KDM4B: variants seen among roughly 807,000 people sequenced by gnomAD.
KDM4B encodes lysine demethylase 4B.
Under a neutral mutation model 125.2 loss-of-function variants are expected in KDM4B, and 32 were observed. The observed-to-expected ratio is 0.26, with a 90% CI of 0.19 to 0.34. The LOEUF (loss-of-function observed/expected upper bound fraction) is 0.34, where lower values mean the gene tolerates loss of function less well. KDM4B is among the 10% of genes least tolerant of loss of function. The pLI is 1.00. For missense variants in KDM4B, 1,190 were observed against 1,577.7 expected (o/e 0.75, Z 4.16); for synonymous variants, 721 against 677.9 (o/e 1.06, Z -0.99).
chr19:5,032,117 C>T (rs554006596), intron 2 of KDM4B, among the ~76,000 whole-genome samples: 1 of 152,308 alleles, frequency 6.6e-6, no homozygotes, highest in South Asian at 2.1e-4. Flanking sequence ...CCTGCAACAC[C>T]TGGGACAGGA....
chr19:5,041,320 CGGGACTCTGCCTTGGCA>C lies in KDM4B; in HGVS notation c.432+71_432+87del. 4 of 1,205,794 alleles carry C rather than the reference CGGGACTCTGCCTTGGCA, an allele frequency of 3.3e-6. No individual in the cohort carries two copies. In the South Asian group the frequency reaches 3.7e-5, roughly 11 times the overall value. The allele number at this position is 1,205,794 out of a possible 1,614,324, so 74.7% of individuals were successfully genotyped here. On this transcript the variant is annotated intron_variant, in intron 5 of 22. Coordinates refer to ENST00000159111, the MANE Select transcript of KDM4B (RefSeq NM_015015.3). Reference sequence around the variant, plus strand: ...TGGGTGGTGGTGGGAGGGCCCTGAACGGGACTCTGCCTTGGCAGATGAAGCTTCCAGGCAGGCAAGGT... The same window carrying C: ...TGGGTGGTGGTGGGAGGGCCCTGAACGATGAAGCTTCCAGGCAGGCAAGGT...
intron 2 of KDM4B, among the ~76,000 whole-genome samples, chr19:5,016,962 G>A (rs2035911100): frequency 6.6e-6 from 1 of 152,262 alleles, no homozygotes; most frequent in Non-Finnish European, 1.5e-5. Context: ...GGGTGACCCA[G>A]TGGAGGGTGT....
rs750661778 is a variant in KDM4B at position 5,082,323 on chromosome 19, G to A, written c.781-44G>A. 27 of 1,610,626 alleles carry A rather than the reference G, an allele frequency of 1.7e-5. No homozygotes were observed. The African/African-American group carries it at 1.7e-4, about 10-fold the overall frequency. ...GTGCCCACGTCCCATCCCCTGGTGC[G>A]CCTCTGGTGGCCCTGCCCTCACCTG... On this transcript the variant is annotated intron_variant, in intron 8 of 22. Transcript: ENST00000159111. This position sits in a 1 kb window ranked among gnomAD's most constrained non-coding sequence, Gnocchi z 5.4.
intron 1 of KDM4B, among the ~76,000 whole-genome samples, chr19:5,000,910 T>C (rs1032514507): frequency 6.6e-6 from 1 of 152,134 alleles, no homozygotes; most frequent in Non-Finnish European, 1.5e-5. Context: ...GGCGGAGAAG[T>C]GTCATCAACC....
intron 1 of KDM4B, among the ~76,000 whole-genome samples, chr19:5,007,119 C>T (rs572957091): frequency 5.9e-5 from 9 of 152,324 alleles, no homozygotes; most frequent in Non-Finnish European, 8.8e-5. Context: ...CACCATCCCT[C>T]GTGAGCACCC....
chr19:5,103,255 C>T (rs1031624750), intron 9 of KDM4B, among the ~76,000 whole-genome samples: 3 of 152,248 alleles, frequency 2.0e-5, no homozygotes, highest in Admixed American at 6.5e-5. Context: ...TCGCTTGGCA[C>T]GACGTCCTGA....
At chr19:5,091,806 C>T (rs2038711935) in intron 9 of KDM4B, among the ~76,000 whole-genome samples, 1 of 152,184 alleles carries the variant, frequency 6.6e-6, no homozygotes, top group South Asian at 2.1e-4. Flanking sequence ...TCCAGCCACT[C>T]CTCTGACCCG....
intron 1 of KDM4B, among the ~76,000 whole-genome samples, chr19:4,996,606 C>T (rs1197784245): frequency 1.3e-5 from 2 of 151,666 alleles, no homozygotes; most frequent in Admixed American, 6.6e-5. Context: ...TATTTTGAAG[C>T]GTGTTGCTCA....
chr19:5,039,903 C>T lies in KDM4B; in HGVS notation c.209C>T (p.Ala70Val), dbSNP rs746110307. 3.1e-6 allele frequency: 5 copies of T among 1,612,892 alleles called. No individual in the cohort carries two copies. The highest frequency in any genetic ancestry group is 4.2e-6 in the Non-Finnish European group (5 of 1,179,928). ...GACATCGACGACGTGGTGATCCCGG[C>T]GCCCATCCAGCAGGTGGTGACGGGC... is the stretch of plus-strand genomic sequence containing the variant. ...YDDIDDVVIP[A>V]PIQQVVTGQS... The change falls in exon 4 of 23, where the codon GCG becomes GTG. Residue 70 changes from alanine to valine, a missense_variant. By Grantham distance (64) the Ala-to-Val change is moderately conservative. Around this residue, in one of 7 missense-constraint regions of KDM4B, gnomAD observed 139 missense variants for 248.3 expected, o/e 0.56. Coordinates refer to ENST00000159111, the MANE Select transcript of KDM4B (RefSeq NM_015015.3).
chr19:5,138,664 A>G (rs139513984), intron 18 of KDM4B, among the ~76,000 whole-genome samples: 25 of 152,236 alleles, frequency 1.6e-4, no homozygotes, highest in African/African-American at 6.0e-4. Flanking sequence ...TCAAAAAAAA[A>G]CAAACAATTG....
chr19:5,047,683 C>A lies in KDM4B; in HGVS notation c.626+14C>A, dbSNP rs766216027. ...GCCTAAGTCCTGGTGAGTGTCTGCA[C>A]TGGCCCTGCCGCCGGCCGGACCGAG... On this transcript the variant is annotated intron_variant, in intron 6 of 22. Coordinates refer to ENST00000159111, the MANE Select transcript of KDM4B (RefSeq NM_015015.3). The A allele has an allele frequency of 6.2e-7, 1 of 1,610,668 alleles. No individual in the cohort carries two copies. The highest frequency in any genetic ancestry group is 8.5e-7 in the Non-Finnish European group (1 of 1,177,664).
intron 2 of KDM4B, among the ~76,000 whole-genome samples, chr19:5,025,693 C>G (rs986454779): frequency 2.0e-5 from 3 of 152,218 alleles, no homozygotes; most frequent in Non-Finnish European, 4.4e-5. Flanking sequence ...GGCCTTAGCT[C>G]TTCCCTGGCT....
intron 6 of KDM4B, among the ~76,000 whole-genome samples, chr19:5,062,126 C>T (rs60612156): frequency 0.095 from 14,416 of 152,276 alleles, 888 homozygotes; most frequent in Admixed American, 0.15. Context: ...TCTGTCCGGT[C>T]CCCTGTAATC....
chr19:5,070,800 G>A (rs1043852117), intron 6 of KDM4B: 28 of 507,568 alleles, frequency 5.5e-5, no homozygotes, highest in Non-Finnish European at 8.5e-5. Flanking sequence ...CTCACTCCCC[G>A]CTCCTCCACC....
At chr19:5,070,832 G>T in intron 6 of KDM4B, 178 bp from the exon 7 acceptor site, 1 of 524,048 alleles carries the variant, frequency 1.9e-6, no homozygotes, top group East Asian at 3.3e-5. Context: ...GCTTCCTTAC[G>T]GATTCCGTCC....
intron 21 of KDM4B, among the ~76,000 whole-genome samples, chr19:5,146,751 ACCCC>A (rs775578381): frequency 3.1e-5 from 1 of 31,990 alleles, no homozygotes; most frequent in Non-Finnish European, 6.0e-5. Context: ...ACAAAGTGAG[ACCCC>A]CCCCCCCCCC....
intron 6 of KDM4B, among the ~76,000 whole-genome samples, chr19:5,067,634 G>A (rs1314731530): frequency 1.3e-5 from 2 of 152,034 alleles, no homozygotes; most frequent in African/African-American, 2.4e-5. Flanking sequence ...CTGGCATGGG[G>A]GAGGGAGGGG....
intron 1 of KDM4B, among the ~76,000 whole-genome samples, chr19:5,000,399 GTCCA>G (rs563479668): frequency 3.3e-4 from 49 of 149,646 alleles, no homozygotes; most frequent in African/African-American, 1.2e-3. Flanking sequence ...CCATCTGTCT[GTCCA>G]TCCATCCATC....
At chr19:5,135,669 TC>T in intron 15 of KDM4B, 108 bp downstream of exon 15, 1 of 952,012 alleles carries the variant, frequency 1.1e-6, no homozygotes, top group Non-Finnish European at 1.5e-6. Context: ...CCGGCCCCTC[TC>T]CCCAGGCTGC....
Sources: gnomAD v4.1 joint callset for allele counts (sites outside exome capture counted in the v4.1 genomes callset) on GRCh38, gnomAD v4.1.1 for gene constraint, gnomAD v4.1.1 regional missense constraint, Gnocchi (gnomAD v3.1) non-coding constraint, MANE v1.5 for transcripts, NCBI Gene and HGNC (gene_info 2026-07-23, HGNC 2026-07-21) for gene names.